PPP2R2C: variants seen among roughly 807,000 people sequenced by gnomAD.
PPP2R2C encodes the protein protein phosphatase 2 regulatory subunit Bgamma.
In PPP2R2C, 10 loss-of-function variants were observed where a neutral mutation model predicts 45.3. The ratio of observed to expected loss-of-function variants is 0.22; its 90% CI spans 0.14 to 0.37. The LOEUF (loss-of-function observed/expected upper bound fraction) is 0.37. PPP2R2C is among the 10% of genes least tolerant of loss of function. The probability of loss-of-function intolerance (pLI) is 1.00; values close to 1 mark genes in which losing one functional copy is unlikely to be tolerated. For missense variants in PPP2R2C, 308 were observed against 619.7 expected (o/e 0.50, Z 5.34); for synonymous variants, 257 against 245.4 (o/e 1.05, Z -0.44).
At chr4:6,413,831 C>A (rs4689437) in intron 1 of PPP2R2C, 362,780 of 1,518,842 alleles carry the variant, frequency 0.24, 45,802 homozygotes, top group Admixed American at 0.45. Context: ...TGCCGGGGCT[C>A]CCACTCAGGG....
intron 1 of PPP2R2C, among the ~76,000 whole-genome samples, chr4:6,394,605 G>A (rs1471398232): frequency 6.6e-6 from 1 of 152,218 alleles, no homozygotes; most frequent in African/African-American, 2.4e-5. Context: ...CCCTGCCGCA[G>A]GGCTCTGCAA....
rs537085101 is a variant in PPP2R2C, at chr4:6,378,093, G to T, written c.334+314C>A. Among the ~76,000 whole-genome samples the T allele has an allele frequency of 6.6e-6, 1 of 152,012 alleles. No individual in the cohort carries two copies. Among genetic ancestry groups the T allele is most frequent in the African/African-American group, 2.4e-5 (1 of 41,392 alleles). On this transcript the variant is annotated intron_variant, in intron 3 of 8. Transcript: ENST00000382599. The surrounding 1 kb of genome is among the most constrained non-coding windows in gnomAD (Gnocchi z 5.2). ...AAGCAAAGGCCTACAAAGATGGCTC[G>T]GATGGCTCTATTCACAGCAGGGGGC... is the stretch of plus-strand genomic sequence containing the variant.
intron 1 of PPP2R2C, among the ~76,000 whole-genome samples, chr4:6,454,135 C>G (rs555109986): frequency 1.6e-4 from 24 of 152,152 alleles, no homozygotes; most frequent in Admixed American, 1.4e-3. Context: ...TGCTCAGGAG[C>G]GGGGCAGTGG....
chr4:6,332,431 G>A lies in PPP2R2C; in HGVS notation c.960+1131C>T, dbSNP rs574412611. On this transcript the variant is annotated intron_variant, in intron 7 of 8. Transcript: ENST00000382599. The surrounding 1 kb of genome is among the most constrained non-coding windows in gnomAD (Gnocchi z 4.9). ...AAACACACGTGGCTGACAAACAGGCGGTCCCCATAGCGGTCCTTGTGGGTG... is the reference window on the plus strand; with the variant it reads ...AAACACACGTGGCTGACAAACAGGCAGTCCCCATAGCGGTCCTTGTGGGTG... Among the ~76,000 whole-genome samples, 13 of 152,248 alleles carry A rather than the reference G, an allele frequency of 8.5e-5. No homozygotes were observed. Among genetic ancestry groups the A allele is most frequent in the African/African-American group, 2.4e-4 (10 of 41,538 alleles).
At chr4:6,416,379 C>A (rs568826976) in intron 1 of PPP2R2C, among the ~76,000 whole-genome samples, 2 of 152,304 alleles carry the variant, frequency 1.3e-5, no homozygotes, top group East Asian at 3.9e-4. Flanking sequence ...TGACTCAAGG[C>A]CTCTTTCCAC....
chr4:6,348,073 A>G, intron 5 of PPP2R2C, 63 bp from the exon 6 acceptor site: 14 of 1,577,700 alleles, frequency 8.9e-6, no homozygotes, highest in Non-Finnish European at 1.2e-5. Flanking sequence ...GCCTTCCCGG[A>G]GGTTTCTGAC....
rs1297260824 is a variant in PPP2R2C, at chr4:6,320,892, G to A, written c.*2410C>T. ...TCGAGAGTACCAGGAAATGTAAGCA[G>A]AGCCAGGATGCAAGTCTGTGACTAT... On this transcript the variant is annotated 3_prime_UTR_variant, in exon 9 of 9. Coordinates refer to ENST00000382599, the MANE Select transcript of PPP2R2C (RefSeq NM_020416.4). The A allele has an allele frequency of 1.3e-5, 2 of 152,170 alleles. No individual in the cohort carries two copies. The highest frequency in any genetic ancestry group is 6.5e-5 in the Admixed American group (1 of 15,270). 9.4% of individuals were successfully genotyped at this position (152,170 alleles called of 1,614,324 possible). A position where few individuals can be genotyped will look rare whatever the true frequency, so the allele number is the denominator to read the frequency against.
At chr4:6,369,401 T>C (rs1054531393) in intron 5 of PPP2R2C, among the ~76,000 whole-genome samples, 7 of 152,234 alleles carry the variant, frequency 4.6e-5, no homozygotes, top group African/African-American at 1.7e-4. Flanking sequence ...TTATGGTATG[T>C]GATACTTTAA....
At chr4:6,403,864 G>GAA (rs11286848) in intron 1 of PPP2R2C, among the ~76,000 whole-genome samples, 1 of 135,906 alleles carries the variant, frequency 7.4e-6, no homozygotes, top group Non-Finnish European at 1.6e-5. Flanking sequence ...CTCCGCCTCA[G>GAA]AAAAAAAAAA....
intron 2 of PPP2R2C, among the ~76,000 whole-genome samples, chr4:6,528,837 GAAC>G (rs1724302067): frequency 6.6e-6 from 1 of 152,272 alleles, no homozygotes; most frequent in South Asian, 2.1e-4. Context: ...GCCCGCCAGA[GAAC>G]AACCCCCTTT....
chr4:6,451,950 C>T (rs1053375041), intron 1 of PPP2R2C, among the ~76,000 whole-genome samples: 1 of 152,188 alleles, frequency 6.6e-6, no homozygotes, highest in African/African-American at 2.4e-5. Context: ...CACCCCAGAG[C>T]CAGGGATGCC....
chr4:6,491,721 T>C (rs1722704564), intron 2 of PPP2R2C, among the ~76,000 whole-genome samples: 1 of 152,162 alleles, frequency 6.6e-6, no homozygotes, highest in East Asian at 1.9e-4. Context: ...TGAGTTCTCA[T>C]GAGATCTGGT....
At chr4:6,337,947 T>A (rs1159264138) in intron 6 of PPP2R2C, among the ~76,000 whole-genome samples, 1 of 152,132 alleles carries the variant, frequency 6.6e-6, no homozygotes, top group Non-Finnish European at 1.5e-5. Flanking sequence ...TCTATGAAAT[T>A]TTTGATACAA....
At chr4:6,436,857 A>T (rs529664340) in intron 1 of PPP2R2C, among the ~76,000 whole-genome samples, 1 of 151,930 alleles carries the variant, frequency 6.6e-6, no homozygotes, top group Non-Finnish European at 1.5e-5. Context: ...CATGTGGGCC[A>T]TAGTTTACCA....
At position 6,382,715 on chromosome 4, in the gene PPP2R2C, A is replaced by C. The variant is rs913988007; in HGVS notation, c.71-1621T>G. On this transcript the variant is annotated intron_variant, in intron 1 of 8. Coordinates refer to ENST00000382599, the MANE Select transcript of PPP2R2C (RefSeq NM_020416.4). ...CACACACACACACACACACACACAC[A>C]CCCCACATCCAATCCTGCCTGCTCA... The C allele has an allele frequency of 7.4e-3, 2,437 of 330,052 alleles. 28 individuals are homozygous for C. The highest frequency in any genetic ancestry group is 0.012 in the East Asian group (127 of 10,518). 20.4% of individuals were successfully genotyped at this position (330,052 alleles called of 1,614,324 possible).
intron 6 of PPP2R2C, among the ~76,000 whole-genome samples, chr4:6,337,110 G>GTACA (rs1207923428): frequency 2.4e-5 from 1 of 41,486 alleles, no homozygotes; most frequent in Non-Finnish European, 4.5e-5. Flanking sequence ...GTATGTGTGT[G>GTACA]TGTATATATA....
At position 6,358,005 on chromosome 4, in the gene PPP2R2C, C is replaced by T. The variant is rs150927619; in HGVS notation, c.626-9995G>A. On this transcript the variant is annotated intron_variant, in intron 5 of 8. Transcript: ENST00000382599. ...AAACTACTTTAAAATTCATATGGAA[C>T]CAAAAAAGAGCCCGCATTCCCAAGA... 4.9e-3 allele frequency among the ~76,000 whole-genome samples: 747 copies of T among 152,216 alleles called. 4 individuals carry two copies. In the Middle Eastern group the frequency reaches 0.054, roughly 11 times the overall value.
At chr4:6,535,209 C>T (rs955767257) in intron 2 of PPP2R2C, 2 of 1,511,984 alleles carry the variant, frequency 1.3e-6, no homozygotes, top group African/African-American at 1.4e-5. Flanking sequence ...CGCCTGTGAC[C>T]CACAGCCCAC....
In PPP2R2C at chr4:6,483,137, AGATAGATTGATT is replaced by A. The variant is rs1416713178; in HGVS notation, c.49+52122_49+52133del. ...TGGATAGATAGATAGATAGATAGAT[AGATAGATTGATT>A]GATTGATAGATAGACGATAGATAGA... On this transcript the variant is annotated intron_variant, in intron 2 of 9. Coordinates refer to the PPP2R2C transcript ENST00000506140. Among the ~76,000 whole-genome samples the A allele has an allele frequency of 8.6e-3, 657 of 76,650 alleles. 3 individuals are homozygous for A. Among genetic ancestry groups the A allele is most frequent in the Non-Finnish European group, 0.015 (450 of 30,776 alleles). The allele number at this position is 76,650 out of a possible 152,430, so 50.3% of individuals were successfully genotyped here. A position where few individuals can be genotyped will look rare whatever the true frequency, so the allele number is the denominator to read the frequency against.
Sources: gnomAD v4.1 joint callset for allele counts (sites outside exome capture counted in the v4.1 genomes callset) on GRCh38, gnomAD v4.1.1 for gene constraint, Gnocchi (gnomAD v3.1) non-coding constraint, MANE v1.5 for transcripts, NCBI Gene and HGNC (gene_info 2026-07-23, HGNC 2026-07-21) for gene names.